The following GRID1 variants were observed in gnomAD, a reference collection of about 807,000 sequenced individuals.
GRID1 encodes glutamate ionotropic receptor delta type subunit 1.
A neutral mutation model predicts 98.0 loss-of-function variants in GRID1; 28 were observed. The ratio of observed to expected loss-of-function variants is 0.29; its 90% CI spans 0.21 to 0.39. The LOEUF is 0.39. Ranked by LOEUF, GRID1 falls within the 10% of genes least tolerant of loss-of-function variation. The pLI is 1.00. For synonymous variants in GRID1, 553 were observed against 538.5 expected, an observed-to-expected ratio of 1.03 and a Z score of -0.37; for missense variants, 1,111 against 1,340.5, an observed-to-expected ratio of 0.83 and a Z score of 2.67.
intron 4 of GRID1, among the ~76,000 whole-genome samples, chr10:86,074,318 C>T (rs937867542): frequency 1.3e-5 from 2 of 152,166 alleles, no homozygotes; most frequent in Non-Finnish European, 2.9e-5. Context: ...CCTCCCCTCT[C>T]CCTCCCACTC....
intron 2 of GRID1, among the ~76,000 whole-genome samples, chr10:86,231,574 T>C (rs1846454061): frequency 6.6e-6 from 1 of 152,074 alleles, no homozygotes; most frequent in Admixed American, 6.5e-5. Context: ...AGCAAAAGCT[T>C]TGGATGAAGA....
At chr10:85,804,391 C>A (rs1590239610) in intron 8 of GRID1, among the ~76,000 whole-genome samples, 1 of 151,624 alleles carries the variant, frequency 6.6e-6, no homozygotes, top group Non-Finnish European at 1.5e-5. Flanking sequence ...AATTCAAAAG[C>A]CTCATACAAA....
chr10:85,816,222 C>T (rs1842714896), intron 8 of GRID1, among the ~76,000 whole-genome samples: 2 of 152,070 alleles, frequency 1.3e-5, no homozygotes, highest in African/African-American at 2.4e-5. Context: ...AATATCTTTA[C>T]AAAAATTTTG....
At chr10:85,934,779 C>T (rs983416399) in intron 4 of GRID1, among the ~76,000 whole-genome samples, 1 of 152,130 alleles carries the variant, frequency 6.6e-6, no homozygotes, top group Non-Finnish European at 1.5e-5. Context: ...CACTGCCAGG[C>T]GTGGCCTGAG....
At chr10:86,337,293 C>A (rs1026885408) in intron 2 of GRID1, among the ~76,000 whole-genome samples, 6 of 152,302 alleles carry the variant, frequency 3.9e-5, no homozygotes, top group Admixed American at 2.6e-4. Flanking sequence ...AGGACAGGAC[C>A]AAAGGCTGCC....
At chr10:86,064,329 G>A (rs1843690465) in intron 4 of GRID1, among the ~76,000 whole-genome samples, 1 of 152,210 alleles carries the variant, frequency 6.6e-6, no homozygotes. Context: ...ACAAGATGTT[G>A]AGCACAACGT....
intron 15 of GRID1, among the ~76,000 whole-genome samples, chr10:85,612,780 T>G (rs1842748513): frequency 6.7e-6 from 1 of 149,534 alleles, no homozygotes; most frequent in Admixed American, 6.6e-5. Context: ...ACAAACCCAG[T>G]AAGAAGGAAG....
At chr10:85,650,118 A>C (rs1843248289) in intron 12 of GRID1, 1 of 152,254 alleles carries the variant, frequency 6.6e-6, no homozygotes, top group African/African-American at 2.4e-5. Flanking sequence ...TCCCTGAGGA[A>C]GTCATCCTCT....
chr10:85,691,248 A>G (rs1841328567), intron 12 of GRID1, among the ~76,000 whole-genome samples: 1 of 152,170 alleles, frequency 6.6e-6, no homozygotes, highest in East Asian at 1.9e-4. Flanking sequence ...TTAAACACTG[A>G]CCTCCTCTGC....
chr10:86,313,775 G>A (rs1442128091), intron 2 of GRID1, among the ~76,000 whole-genome samples: 1 of 152,184 alleles, frequency 6.6e-6, no homozygotes, highest in Non-Finnish European at 1.5e-5. Flanking sequence ...GCGCTGGGGC[G>A]TCCCACTCTT....
rs577962648 is a variant in GRID1 at position 85,744,049 on chromosome 10, G to C, written c.1234-14435C>G. 6.6e-5 allele frequency among the ~76,000 whole-genome samples: 10 copies of C among 152,206 alleles called. No homozygotes were observed. The East Asian group carries it at 1.2e-3, about 18-fold the overall frequency. ...TCTAGCAGAAAATTCCAAAATAAGA[G>C]AGGTTCTCAATGCAAAGATCAACTC... On this transcript the variant is annotated intron_variant, in intron 8 of 15. Transcript: ENST00000327946.
At chr10:85,845,933 A>C (rs1843001191) in intron 8 of GRID1, among the ~76,000 whole-genome samples, 1 of 152,176 alleles carries the variant, frequency 6.6e-6, no homozygotes. Context: ...AATTAAGGGC[A>C]TTAGATATCA....
At chr10:85,992,787 A>AAAT (rs910986377) in intron 4 of GRID1, among the ~76,000 whole-genome samples, 40 of 151,666 alleles carry the variant, frequency 2.6e-4, no homozygotes, top group African/African-American at 8.7e-4. Context: ...CTGTCTCTAA[A>AAAT]AATAATAATA....
intron 4 of GRID1, among the ~76,000 whole-genome samples, chr10:85,975,088 T>C (rs76254239): frequency 0.052 from 7,913 of 152,336 alleles, 248 homozygotes; most frequent in Middle Eastern, 0.11. Context: ...TATGCCACCT[T>C]AGACATTCCC....
chr10:85,691,583 T>G (rs987665866), intron 12 of GRID1, among the ~76,000 whole-genome samples: 1 of 152,188 alleles, frequency 6.6e-6, no homozygotes, highest in East Asian at 1.9e-4. Flanking sequence ...TGTTCCTTTT[T>G]CTGAAAAATT....
intron 5 of GRID1, among the ~76,000 whole-genome samples, chr10:85,907,614 A>T (rs962284378): frequency 3.9e-5 from 6 of 152,346 alleles, no homozygotes; most frequent in Non-Finnish European, 8.8e-5. Context: ...AAAAAATAAT[A>T]ATTATTTATG....
rs145676041 is a variant in GRID1, at chr10:86,194,329, T to C, written c.520+12035A>G. 2.6e-3 allele frequency among the ~76,000 whole-genome samples: 397 copies of C among 152,214 alleles called. 5 individuals are homozygous for C. The highest frequency in any genetic ancestry group is 9.3e-3 in the African/African-American group (386 of 41,560). ...GGAATAAAGCCCACTCTGCAGAATG[T>C]TGTGCAACAGGCAAAAAGAATGGGG... On this transcript the variant is annotated intron_variant, in intron 3 of 15. Coordinates refer to ENST00000327946, the MANE Select transcript of GRID1 (RefSeq NM_017551.3).
chr10:86,163,677 C>T (rs942601443), intron 3 of GRID1, among the ~76,000 whole-genome samples: 1 of 152,148 alleles, frequency 6.6e-6, no homozygotes, highest in Non-Finnish European at 1.5e-5. Flanking sequence ...TGCAGTTGGC[C>T]TCTGGCTGCT....
chr10:85,865,912 C>CATATATATATATATATATATACATATAT (rs1843210469), intron 6 of GRID1, among the ~76,000 whole-genome samples: 1 of 83,092 alleles, frequency 1.2e-5, no homozygotes, highest in African/African-American at 5.6e-5. Context: ...TACATATATA[C>CATATATATATATATATATATACATATAT]ATATATATAT....
Sources: allele counts gnomAD v4.1 joint callset (sites outside exome capture counted in the v4.1 genomes callset), GRCh38; gene constraint gnomAD v4.1.1; transcripts MANE v1.5; gene names NCBI Gene and HGNC (gene_info 2026-07-23, HGNC 2026-07-21).